Variants in KCNQ5 observed in about 807,000 individuals in gnomAD.
The protein encoded by KCNQ5 is potassium voltage-gated channel subfamily Q member 5, also known as potassium voltage-gated channel subfamily KQT member 5.
A neutral mutation model predicts 98.2 loss-of-function variants in KCNQ5; 30 were observed. That is an observed-to-expected ratio of 0.31 (90% CI 0.23 to 0.41). The LOEUF (loss-of-function observed/expected upper bound fraction) is 0.41. Among genes scored for constraint, KCNQ5 ranks in the 10% least tolerant of loss-of-function variants. The pLI is 1.00. For missense variants in KCNQ5, 835 were observed against 1,182.5 expected (o/e 0.71, Z 4.31); for synonymous variants, 458 against 449.4 (o/e 1.02, Z -0.24).
chr6:72,867,937 CTAA>C (rs1204533391), intron 1 of KCNQ5, among the ~76,000 whole-genome samples: 20 of 150,452 alleles, frequency 1.3e-4, no homozygotes, highest in African/African-American at 4.5e-4. Flanking sequence ...AAAAATAATA[CTAA>C]TAATACTAAT....
At position 72,845,914 on chromosome 6, in the gene KCNQ5, A is replaced by G. The variant is rs147833044; in HGVS notation, c.399-157994A>G. Among the ~76,000 whole-genome samples the G allele has an allele frequency of 7.0e-3, 1,059 of 152,286 alleles. 15 individuals are homozygous for G. The highest frequency in any genetic ancestry group is 0.023 in the African/African-American group (946 of 41,554). On this transcript the variant is annotated intron_variant, in intron 1 of 13. Coordinates refer to ENST00000370398, the MANE Select transcript of KCNQ5 (RefSeq NM_019842.4). The stretch of plus-strand genomic sequence containing the variant: ...GCTTATCATGGGCACCAGGTAATGC[A>G]TGCATTTACTCACTGAATCCCCACT...
intron 1 of KCNQ5, among the ~76,000 whole-genome samples, chr6:72,805,564 T>C (rs536240149): frequency 3.3e-5 from 5 of 152,260 alleles, no homozygotes; most frequent in African/African-American, 9.6e-5. Flanking sequence ...CTGTTTGGGT[T>C]ACTATACCTC....
At chr6:73,130,602 A>G (rs1459293436) in intron 9 of KCNQ5, among the ~76,000 whole-genome samples, 1 of 152,214 alleles carries the variant, frequency 6.6e-6, no homozygotes, top group Non-Finnish European at 1.5e-5. Flanking sequence ...CACCAAAAAA[A>G]AGGCAGGAAA....
chr6:72,996,994 C>A (rs1032192428), intron 1 of KCNQ5, among the ~76,000 whole-genome samples: 7 of 152,088 alleles, frequency 4.6e-5, no homozygotes, highest in Non-Finnish European at 8.8e-5. Context: ...TGGTCCAGAT[C>A]CTGACCAAGG....
chr6:72,972,775 T>C (rs1244807331), intron 1 of KCNQ5, among the ~76,000 whole-genome samples: 5 of 151,966 alleles, frequency 3.3e-5, no homozygotes, highest in African/African-American at 1.2e-4. Context: ...TTAAAAAGAG[T>C]AAAATAAAGG....
chr6:72,923,914 A>C (rs1780514342), intron 1 of KCNQ5, among the ~76,000 whole-genome samples: 1 of 152,216 alleles, frequency 6.6e-6, no homozygotes, highest in Admixed American at 6.5e-5. Context: ...AGAACCATAA[A>C]CAGTTTTTGT....
rs758903892 is a variant in KCNQ5, at chr6:72,796,784, C to T, written c.398+174197C>T. Among the ~76,000 whole-genome samples the T allele has an allele frequency of 1.8e-4, 27 of 152,104 alleles. 1 individual carries two copies. The highest frequency in any genetic ancestry group is 2.9e-4 in the Non-Finnish European group (20 of 68,016). ...ATTAGCTGTATTTGTGATATTAAGA[C>T]AGTAATATTAAATTTTGCAAGAAAT... is the stretch of plus-strand genomic sequence containing the variant. On this transcript the variant is annotated intron_variant, in intron 1 of 13. Coordinates refer to ENST00000370398, the MANE Select transcript of KCNQ5 (RefSeq NM_019842.4).
At chr6:73,136,684 C>G (rs1776485195) in intron 10 of KCNQ5, 1 of 152,172 alleles carries the variant, frequency 6.6e-6, no homozygotes, top group African/African-American at 2.4e-5. Flanking sequence ...AGTCCAGAAT[C>G]TTTACCTCTG....
intron 1 of KCNQ5, among the ~76,000 whole-genome samples, chr6:72,716,038 G>A (rs1442290894): frequency 1.3e-5 from 2 of 151,888 alleles, no homozygotes; most frequent in Non-Finnish European, 1.5e-5. Flanking sequence ...TTGTAATCAA[G>A]TTATGAAGCC....
intron 1 of KCNQ5, among the ~76,000 whole-genome samples, chr6:72,995,274 A>G (rs1344354415): frequency 6.6e-6 from 1 of 151,532 alleles, no homozygotes; most frequent in Non-Finnish European, 1.5e-5. Context: ...AGGCTGAGGC[A>G]GGAGAATCGC....
intron 2 of KCNQ5, among the ~76,000 whole-genome samples, chr6:73,026,890 G>A (rs1289275230): frequency 6.6e-6 from 1 of 151,904 alleles, no homozygotes; most frequent in Non-Finnish European, 1.5e-5. Context: ...AAGTTAAATT[G>A]CACACATTCC....
chr6:72,703,812 C>T (rs1768942444), intron 1 of KCNQ5, among the ~76,000 whole-genome samples: 1 of 152,094 alleles, frequency 6.6e-6, no homozygotes. Flanking sequence ...AAAGTAATTA[C>T]CTAGGATGAA....
chr6:72,824,725 G>C (rs1357479552), intron 1 of KCNQ5, among the ~76,000 whole-genome samples: 1 of 151,948 alleles, frequency 6.6e-6, no homozygotes, highest in Non-Finnish European at 1.5e-5. Context: ...CTAACAGCTT[G>C]ATATATATGA....
At chr6:72,753,925 G>A (rs1771822201) in intron 1 of KCNQ5, among the ~76,000 whole-genome samples, 1 of 152,016 alleles carries the variant, frequency 6.6e-6, no homozygotes, top group African/African-American at 2.4e-5. Flanking sequence ...TTAAACTTGT[G>A]TAGATTCTTT....
intron 1 of KCNQ5, among the ~76,000 whole-genome samples, chr6:72,954,642 A>T (rs1048074148): frequency 7.2e-5 from 11 of 152,026 alleles, no homozygotes; most frequent in African/African-American, 2.7e-4. Flanking sequence ...TTATTGAAAA[A>T]CTGTCGCTCT....
intron 1 of KCNQ5, among the ~76,000 whole-genome samples, chr6:72,825,160 A>C (rs575965195): frequency 2.0e-5 from 3 of 152,144 alleles, no homozygotes; most frequent in African/African-American, 4.8e-5. Flanking sequence ...CAACAAAAAA[A>C]CGAACATTTA....
Position 72,699,884 on chromosome 6 carries a change from T to G in KCNQ5, c.398+77297T>G, listed in dbSNP as rs376734463. Among the ~76,000 whole-genome samples the G allele has an allele frequency of 6.6e-5, 10 of 152,318 alleles. No homozygotes were observed. The East Asian group carries it at 1.5e-3, about 23-fold the overall frequency. The stretch of plus-strand genomic sequence containing the variant: ...CAAAACAGTTAACATTTATTGAATC[T>G]ATGTTTCGGGCGTCAAGCTTTCCAT... On this transcript the variant is annotated intron_variant, in intron 1 of 13. Coordinates refer to ENST00000370398, the MANE Select transcript of KCNQ5 (RefSeq NM_019842.4).
At chr6:72,752,627 A>C (rs549771731) in intron 1 of KCNQ5, among the ~76,000 whole-genome samples, 2 of 152,278 alleles carry the variant, frequency 1.3e-5, no homozygotes, top group Middle Eastern at 3.4e-3. Flanking sequence ...ACCACAGTCC[A>C]TTAAACAATT....
At chr6:72,769,660 G>A (rs987897416) in intron 1 of KCNQ5, among the ~76,000 whole-genome samples, 2 of 151,998 alleles carry the variant, frequency 1.3e-5, no homozygotes, top group African/African-American at 4.8e-5. Context: ...GGACATTGCA[G>A]ACTGCCTGCT....
Sources: allele counts gnomAD v4.1 joint callset (sites outside exome capture counted in the v4.1 genomes callset), GRCh38; gene constraint gnomAD v4.1.1; transcripts MANE v1.5; gene names NCBI Gene and HGNC (gene_info 2026-07-23, HGNC 2026-07-21).